GAK: variants seen among roughly 807,000 people sequenced by gnomAD.
GAK encodes cyclin-G-associated kinase.
A neutral mutation model predicts 143.9 loss-of-function variants in GAK; 79 were observed. The ratio of observed to expected loss-of-function variants is 0.55; its 90% CI spans 0.46 to 0.66. The LOEUF is 0.66. GAK is among the 30% of genes least tolerant of loss of function. GAK has a pLI of 0.00. For missense variants in GAK, 1,693 were observed against 1,779.7 expected (o/e 0.95, Z 0.88); for synonymous variants, 881 against 765.5 (o/e 1.15, Z -2.49).
intron 1 of GAK, among the ~76,000 whole-genome samples, chr4:919,573 G>A (rs1247300564): frequency 2.0e-5 from 3 of 152,252 alleles, no homozygotes; most frequent in African/African-American, 7.2e-5. Context: ...CCACAGGCCT[G>A]GAAGGGGCCC....
At chr4:853,075 C>T (rs1395041732) in intron 24 of GAK, 2 of 152,166 alleles carry the variant, frequency 1.3e-5, no homozygotes, top group Non-Finnish European at 2.9e-5. Flanking sequence ...AAGAGACCCG[C>T]TGGCCTCACC....
At chr4:930,161 A>C (rs1725429904) in intron 1 of GAK, among the ~76,000 whole-genome samples, 1 of 152,228 alleles carries the variant, frequency 6.6e-6, no homozygotes, top group Non-Finnish European at 1.5e-5. Flanking sequence ...GTTGCTGTTC[A>C]GACAAAACTT....
At chr4:897,914 A>G in intron 6 of GAK, 119 bp downstream of exon 6, 1 of 1,193,904 alleles carries the variant, frequency 8.4e-7, no homozygotes, top group Non-Finnish European at 1.1e-6. Context: ...GCACCACTGC[A>G]CTCCAGCCTG....
intron 4 of GAK, among the ~76,000 whole-genome samples, chr4:911,118 CGTT>C (rs1177772485): frequency 6.6e-6 from 1 of 152,146 alleles, no homozygotes; most frequent in African/African-American, 2.4e-5. Flanking sequence ...ACCATGGAGT[CGTT>C]GTGCCATCTT....
chr4:929,367 C>G (rs2152986121), intron 1 of GAK, among the ~76,000 whole-genome samples: 1 of 152,326 alleles, frequency 6.6e-6, no homozygotes, highest in East Asian at 1.9e-4. Flanking sequence ...TTTTCTGCCT[C>G]AATTTATCTC....
At chr4:890,153 C>T (rs1426039022) in intron 10 of GAK, among the ~76,000 whole-genome samples, 1 of 152,222 alleles carries the variant, frequency 6.6e-6, no homozygotes, top group African/African-American at 2.4e-5. Flanking sequence ...TTGGGCTGTG[C>T]CAGACACGAC....
chr4:859,146 C>T, intron 24 of GAK: 2 of 983,818 alleles, frequency 2.0e-6, no homozygotes, highest in Non-Finnish European at 2.4e-6. Flanking sequence ...GGGCCTGAGG[C>T]AGACGTGGGA....
At chr4:909,426 G>A (rs1721640587) in intron 4 of GAK, among the ~76,000 whole-genome samples, 1 of 152,230 alleles carries the variant, frequency 6.6e-6, no homozygotes, top group Non-Finnish European at 1.5e-5. Flanking sequence ...CCTTGACGAG[G>A]CCCCGGTATG....
chr4:865,914 G>A (rs1751090101), intron 22 of GAK, among the ~76,000 whole-genome samples: 1 of 152,226 alleles, frequency 6.6e-6, no homozygotes, highest in East Asian at 1.9e-4. Flanking sequence ...CCCGGCGCCT[G>A]ACCTCCTCCC....
At chr4:908,218 C>T (rs1215807264) in intron 4 of GAK, among the ~76,000 whole-genome samples, 3 of 152,188 alleles carry the variant, frequency 2.0e-5, no homozygotes, top group African/African-American at 7.2e-5. Context: ...CAAGTTACTC[C>T]AAGTGTGCTG....
intron 23 of GAK, among the ~76,000 whole-genome samples, chr4:863,055 T>C (rs1750577467): frequency 1.3e-5 from 2 of 152,232 alleles, no homozygotes; most frequent in South Asian, 2.1e-4. Flanking sequence ...CTGGAAAGGA[T>C]TCACCATTCT....
At chr4:864,038 C>CA (rs1181647024) in intron 23 of GAK, among the ~76,000 whole-genome samples, 4 of 151,308 alleles carry the variant, frequency 2.6e-5, no homozygotes, top group African/African-American at 9.7e-5. Flanking sequence ...AAGAAACAAA[C>CA]AAAAAACCAG....
At chr4:884,834 G>C (rs1443298148) in intron 11 of GAK, among the ~76,000 whole-genome samples, 2 of 152,252 alleles carry the variant, frequency 1.3e-5, no homozygotes, top group East Asian at 3.8e-4. Context: ...GCTGGGCTAG[G>C]AGCAACCTCA....
intron 9 of GAK, among the ~76,000 whole-genome samples, chr4:891,814 A>G (rs929395920): frequency 6.6e-6 from 1 of 152,144 alleles, no homozygotes; most frequent in Non-Finnish European, 1.5e-5. Context: ...GCTGCTAAAG[A>G]GCAGGACGGC....
intron 1 of GAK, among the ~76,000 whole-genome samples, chr4:924,726 T>C (rs931809251): frequency 4.6e-5 from 7 of 152,026 alleles, no homozygotes; most frequent in African/African-American, 7.3e-5. Context: ...GCTCTCAGGA[T>C]AGTGAGATCT....
chr4:884,173 A>G (rs1715767374), intron 11 of GAK, 87 bp from the exon 12 acceptor site: 1 of 1,208,894 alleles, frequency 8.3e-7, no homozygotes, highest in East Asian at 2.3e-5. Context: ...CGAGGCCTGG[A>G]GAAGCCGTGG....
In GAK at chr4:866,469, G is replaced by C; in HGVS notation, c.2938C>G (p.Leu980Val). Reference protein sequence around the residue: ...NNSQPCSNPDLFGEFLNSDSV... With the variant: ...NNSQPCSNPDVFGEFLNSDSV... ...TCCGAATTGAGAAATTCGCCGAAGA[G>C]ATCAGGATTGGAGCAGGGCTGGGAG... The change falls in exon 22 of 28, where the codon CTC (leucine) becomes GTC (valine). Residue 980 changes from leucine (L) to valine (V), a missense_variant. Physicochemically the swap from Leu to Val is conservative, Grantham distance 32 (BLOSUM62 1). This residue lies in a region of GAK where 822 missense variants were observed against 788.7 expected (regional missense o/e 1.04). Coordinates refer to ENST00000314167, the MANE Select transcript of GAK (RefSeq NM_005255.4). 6.2e-7 allele frequency: 1 copy of C among 1,614,192 alleles called. No homozygotes were observed. The highest frequency in any genetic ancestry group is 1.1e-5 in the South Asian group (1 of 91,088).
intron 4 of GAK, among the ~76,000 whole-genome samples, chr4:905,987 C>T (rs1414885215): frequency 2.0e-5 from 3 of 152,248 alleles, no homozygotes; most frequent in Non-Finnish European, 4.4e-5. Context: ...GGGGGCAAGA[C>T]GCCCAAGCGT....
chr4:867,441 A>G lies in GAK; in HGVS notation c.2396-9T>C. 6.6e-7 allele frequency: 1 copy of G among 1,513,890 alleles called. No individual in the cohort carries two copies. The highest frequency in any genetic ancestry group is 2.3e-5 in the East Asian group (1 of 42,844). The allele number at this position is 1,513,890 out of a possible 1,614,324, so 93.8% of individuals were successfully genotyped here. On this transcript the variant is annotated splice_polypyrimidine_tract_variant and intron_variant, in intron 20 of 27. Coordinates refer to ENST00000314167, the MANE Select transcript of GAK (RefSeq NM_005255.4). Reference sequence around the variant, plus strand: ...CTCTGCCTCCTTCTCTTCTGCGAAAAGGAAACAAAACCACAGGCTAGTGAG... The same window carrying G: ...CTCTGCCTCCTTCTCTTCTGCGAAAGGGAAACAAAACCACAGGCTAGTGAG...
Sources: gnomAD v4.1 joint callset for allele counts (sites outside exome capture counted in the v4.1 genomes callset) on GRCh38, gnomAD v4.1.1 for gene constraint, gnomAD v4.1.1 regional missense constraint, MANE v1.5 for transcripts, NCBI Gene and HGNC (gene_info 2026-07-23, HGNC 2026-07-21) for gene names.